UROC1: variants seen among roughly 807,000 people sequenced by gnomAD.
UROC1 encodes the protein urocanate hydratase 1, also known as urocanate hydratase.
In UROC1, 79 loss-of-function variants were observed where a neutral mutation model predicts 89.5. The observed-to-expected ratio is 0.88, with a 90% CI of 0.74 to 1.06. UROC1 has a LOEUF of 1.06. Among genes scored for constraint, UROC1 ranks in the 50% least tolerant of loss-of-function variants. UROC1 has a pLI of 0.00. For missense variants in UROC1, 885 were observed against 907.8 expected (o/e 0.97, Z 0.32); for synonymous variants, 361 against 354.8 (o/e 1.02, Z -0.20).
chr3:126,502,728 GTC>G lies in UROC1; in HGVS notation c.902+1265_902+1266del, dbSNP rs1403274618. ...TCTATGTATGTGTTGTGTGTTATGTGTCTGTTTATGTGCATGCATGTGTATGT... is the reference window on the plus strand; with the variant it reads ...TCTATGTATGTGTTGTGTGTTATGTGTGTTTATGTGCATGCATGTGTATGT... On this transcript the variant is annotated intron_variant, in intron 9 of 19. Transcript: ENST00000290868. 2.7e-5 allele frequency among the ~76,000 whole-genome samples: 4 copies of G among 148,376 alleles called. No homozygotes were observed. The Admixed American group carries it at 2.7e-4, about 10-fold the overall frequency.
Position 126,505,806 on chromosome 3 carries a change from G to C in UROC1, c.708C>G (p.Ile236Met), listed in dbSNP as rs369921888. The change falls in exon 8 of 20, where the codon ATC (isoleucine) becomes ATG (methionine). Residue 236 changes from isoleucine to methionine, a missense_variant. Physicochemically the swap from Ile to Met is conservative, Grantham distance 10 (BLOSUM62 1). Coordinates refer to ENST00000290868, the MANE Select transcript of UROC1 (RefSeq NM_144639.3). ...CAAAGACCTTCCCAGCCAAGTCCTC[G>C]ATGCCCAGGTACCGACGTGCAGCAT... ...VLNAARRYLG[I>M]EDLAGKVFVT... The C allele has an allele frequency of 1.2e-5, 20 of 1,613,748 alleles. No homozygotes were observed. In the South Asian group the frequency reaches 1.8e-4, roughly 14 times the overall value.
At chr3:126,491,072 C>A (rs1279473165) in intron 16 of UROC1, among the ~76,000 whole-genome samples, 1 of 152,178 alleles carries the variant, frequency 6.6e-6, no homozygotes, top group Non-Finnish European at 1.5e-5. Context: ...TCTGCCTTTC[C>A]CACCTTCAAC....
chr3:126,505,651 G>GGGAA, intron 8 of UROC1, 50 bp downstream of exon 8: 1 of 1,601,638 alleles, frequency 6.2e-7, no homozygotes, highest in African/African-American at 1.3e-5. Context: ...GAGGGAGGGA[G>GGGAA]GGAGGGAGGG....
intron 18 of UROC1, among the ~76,000 whole-genome samples, chr3:126,487,362 T>C (rs1935542015): frequency 6.6e-6 from 1 of 152,174 alleles, no homozygotes; most frequent in African/African-American, 2.4e-5. Context: ...TGCCCGGAGC[T>C]TTCTATAGCC....
chr3:126,495,955 G>A (rs1265177888), intron 15 of UROC1, 83 bp downstream of exon 15: 2 of 1,371,254 alleles, frequency 1.5e-6, no homozygotes, highest in South Asian at 1.2e-5. Flanking sequence ...GGACCAGGCT[G>A]AGCGCCCGTC....
rs1259967994 is a variant in UROC1 at position 126,507,953 on chromosome 3, T to A, written c.540+14A>T. The A allele has an allele frequency of 6.2e-7, 1 of 1,613,680 alleles. No homozygotes were observed. The highest frequency in any genetic ancestry group is 1.3e-5 in the African/African-American group (1 of 74,912). ...AGCCCTGGGCAGGTGCTGTGCCACCTGCTGGGGACCCACCATCCCATTGGT... is the reference window on the plus strand; with the variant it reads ...AGCCCTGGGCAGGTGCTGTGCCACCAGCTGGGGACCCACCATCCCATTGGT... On this transcript the variant is annotated intron_variant, in intron 5 of 19. Transcript: ENST00000290868.
At chr3:126,484,170 C>T (rs1188628453) in intron 18 of UROC1, among the ~76,000 whole-genome samples, 2 of 152,168 alleles carry the variant, frequency 1.3e-5, no homozygotes, top group Non-Finnish European at 2.9e-5. Context: ...CTCCTTCTAA[C>T]AGTTTTTGAT....
chr3:126,508,501 G>C (rs1340156591), intron 3 of UROC1, 26 bp from the exon 4 acceptor site: 1 of 1,605,378 alleles, frequency 6.2e-7, no homozygotes, highest in East Asian at 2.2e-5. Context: ...GGTCATCTGA[G>C]ATGAGGGCCT....
chr3:126,485,526 G>A (rs998556182), intron 18 of UROC1, among the ~76,000 whole-genome samples: 1 of 152,004 alleles, frequency 6.6e-6, no homozygotes, highest in South Asian at 2.1e-4. Context: ...GTCACCAGGA[G>A]CTTGCTAGAA....
At chr3:126,502,574 G>A (rs1192688500) in intron 9 of UROC1, among the ~76,000 whole-genome samples, 1 of 150,878 alleles carries the variant, frequency 6.6e-6, no homozygotes, top group African/African-American at 2.4e-5. Context: ...GCATGTTTGT[G>A]TTTGTGTGTG....
At position 126,517,735 on chromosome 3, in the gene UROC1, A is replaced by G; in HGVS notation, c.-16T>C. On this transcript the variant is annotated 5_prime_UTR_variant, in exon 1 of 20. Transcript: ENST00000290868. ...GGCTAGACATGTGTGACTGAGATGG[A>G]GGCAGAGGCCAGCACTGTGGGGAGG... is the stretch of plus-strand genomic sequence containing the variant. 1 of 1,562,242 alleles carries G rather than the reference A, an allele frequency of 6.4e-7. No individual in the cohort carries two copies.
chr3:126,482,810 G>A (rs1423686263), intron 19 of UROC1, among the ~76,000 whole-genome samples: 1 of 152,026 alleles, frequency 6.6e-6, no homozygotes, highest in Non-Finnish European at 1.5e-5. Context: ...TGTCCCTGCA[G>A]TCCTCTTTCT....
intron 1 of UROC1, 142 bp from the exon 2 acceptor site, chr3:126,510,936 A>C: frequency 6.1e-6 from 8 of 1,310,894 alleles, no homozygotes; most frequent in African/African-American, 1.5e-5. Flanking sequence ...GACTGTTCTC[A>C]CCCCAGGCCC....
intron 16 of UROC1, 76 bp downstream of exon 16, chr3:126,492,342 C>G: frequency 7.1e-7 from 1 of 1,405,946 alleles, no homozygotes; most frequent in Non-Finnish European, 9.9e-7. Context: ...CCGAGGCACA[C>G]GCAGGAAGGC....
At chr3:126,498,584 G>T (rs917760081) in intron 13 of UROC1, among the ~76,000 whole-genome samples, 5 of 152,002 alleles carry the variant, frequency 3.3e-5, no homozygotes, top group Admixed American at 1.3e-4. Flanking sequence ...GGGCTGTCCT[G>T]GGGGGAGGAT....
chr3:126,493,569 G>A (rs1935705266), intron 15 of UROC1, among the ~76,000 whole-genome samples: 1 of 152,200 alleles, frequency 6.6e-6, no homozygotes, highest in Admixed American at 6.5e-5. Flanking sequence ...TTGAGTGCCA[G>A]GGGCCGTGGG....
intron 11 of UROC1, among the ~76,000 whole-genome samples, chr3:126,500,489 C>G (rs1279228952): frequency 1.3e-5 from 2 of 152,204 alleles, no homozygotes; most frequent in Non-Finnish European, 2.9e-5. Context: ...GGGCATTCAG[C>G]AAATGTCACT....
intron 14 of UROC1, among the ~76,000 whole-genome samples, chr3:126,497,838 C>T (rs904420407): frequency 2.0e-5 from 3 of 152,218 alleles, no homozygotes; most frequent in Non-Finnish European, 2.9e-5. Flanking sequence ...CGGCTGAGAA[C>T]GACACTTGGG....
In UROC1 at chr3:126,482,475, C is replaced by T. The variant is rs954004056; in HGVS notation, c.1901G>A (p.Arg634His). ...GGCCTTCTGGTTCCCTGACCAGCAG[C>T]GCCGGGCCACCTAGGGCAAGGAGGG... ...SWDVSNGVAR[R>H]CWSGNQKAYE... Residue 634 changes from arginine (R) to histidine (H), a missense_variant, in exon 20 of 20, where the codon CGC becomes CAC. Physicochemically the swap from Arg to His is conservative, Grantham distance 29. Transcript: ENST00000290868. The T allele has an allele frequency of 6.8e-6, 11 of 1,613,846 alleles. No homozygotes were observed. Among genetic ancestry groups the T allele is most frequent in the African/African-American group, 4.0e-5 (3 of 74,920 alleles).
Sources: gnomAD v4.1 joint callset for allele counts (sites outside exome capture counted in the v4.1 genomes callset) on GRCh38, gnomAD v4.1.1 for gene constraint, MANE v1.5 for transcripts, NCBI Gene and HGNC (gene_info 2026-07-23, HGNC 2026-07-21) for gene names.